Variants in GABRA4 observed in about 807,000 individuals in gnomAD.
The protein encoded by GABRA4 is gamma-aminobutyric acid type A receptor subunit alpha4.
In GABRA4, 12 loss-of-function variants were observed where a neutral mutation model predicts 49.7. That is an observed-to-expected ratio of 0.24 (90% CI 0.15 to 0.39). The LOEUF (loss-of-function observed/expected upper bound fraction) is 0.39. Among genes scored for constraint, GABRA4 ranks in the 10% least tolerant of loss-of-function variants. The pLI is 1.00. For missense variants in GABRA4, 506 were observed against 686.0 expected, an observed-to-expected ratio of 0.74 and a Z score of 2.93; for synonymous variants, 288 against 240.2, an observed-to-expected ratio of 1.20 and a Z score of -1.84.
rs913614069 is a variant in GABRA4, at chr4:46,924,718, G to A, written c.*3507C>T. 13 of 151,964 alleles carry A rather than the reference G, an allele frequency of 8.6e-5. No individual in the cohort carries two copies. Among genetic ancestry groups the A allele is most frequent in the African/African-American group, 3.1e-4 (13 of 41,432 alleles). The allele number at this position is 151,964 out of a possible 1,614,324, so 9.4% of individuals were successfully genotyped here. ...CAAGCAATGAACTTAAAGTAATCAA[G>A]CAGTAGAACTAAATTTTTGTCCATA... On this transcript the variant is annotated 3_prime_UTR_variant, in exon 9 of 9. Transcript: ENST00000264318.
Position 46,924,324 on chromosome 4 carries a change from A to T in GABRA4, c.*3901T>A, listed in dbSNP as rs183396596. On this transcript the variant is annotated 3_prime_UTR_variant, in exon 9 of 9. Coordinates refer to ENST00000264318, the MANE Select transcript of GABRA4 (RefSeq NM_000809.4). ...TAAATATTAGGTATCTTGATTATTG[A>T]AGTTTTGATGTCCCCATATATATTT... 2 of 152,048 alleles carry T rather than the reference A, an allele frequency of 1.3e-5. No individual in the cohort carries two copies. Among genetic ancestry groups the T allele is most frequent in the African/African-American group, 4.8e-5 (2 of 41,422 alleles). 9.4% of individuals were successfully genotyped at this position (152,048 alleles called of 1,614,324 possible).
At position 46,928,165 on chromosome 4, in the gene GABRA4, A is replaced by G. The variant is rs1207583748; in HGVS notation, c.*60T>C. 1.5e-6 allele frequency: 2 copies of G among 1,334,396 alleles called. No homozygotes were observed. The highest frequency in any genetic ancestry group is 2.4e-5 in the East Asian group (1 of 41,782). 82.7% of individuals were successfully genotyped at this position (1,334,396 alleles called of 1,614,324 possible). On this transcript the variant is annotated 3_prime_UTR_variant, in exon 9 of 9. Coordinates refer to ENST00000264318, the MANE Select transcript of GABRA4 (RefSeq NM_000809.4). ...AAAGAATATTTGTTTATATTTAAAA[A>G]CATTTAAAAAGACATTCTGCATTTT...
At chr4:46,989,165 G>A (rs1560485831) in intron 2 of GABRA4, among the ~76,000 whole-genome samples, 1 of 152,176 alleles carries the variant, frequency 6.6e-6, no homozygotes, top group Non-Finnish European at 1.5e-5. Context: ...ATTGAGATGC[G>A]TGAAAGGCTG....
rs748574364 is a variant in GABRA4, at chr4:46,928,614, G to A, written c.1276C>T (p.Arg426Trp). Reference protein sequence around the residue: ...VVQESSKGTPRSYLASSPNPF... With the variant: ...VVQESSKGTPWSYLASSPNPF... ...TTTGGACTGGAAGCTAAGTAAGACC[G>A]AGGTGTGCCTTTAGAAGATTCTTGA... The change falls in exon 9 of 9, where the codon CGG (arginine) becomes TGG (tryptophan). Residue 426 changes from arginine to tryptophan, a missense_variant. This residue lies in a region of GABRA4 where 243 missense variants were observed against 210.8 expected (regional missense o/e 1.15). Coordinates refer to ENST00000264318, the MANE Select transcript of GABRA4 (RefSeq NM_000809.4). 1.5e-5 allele frequency: 25 copies of A among 1,613,566 alleles called. 1 individual carries two copies. The highest frequency in any genetic ancestry group is 1.6e-4 in the Middle Eastern group (1 of 6,080).
chr4:46,991,172 C>A (rs11727160), intron 2 of GABRA4, among the ~76,000 whole-genome samples: 1 of 150,072 alleles, frequency 6.7e-6, no homozygotes, highest in Non-Finnish European at 1.5e-5. Context: ...AGTGACAGAG[C>A]GAGACTCCAT....
chr4:46,957,152 G>T (rs933405417), intron 8 of GABRA4, among the ~76,000 whole-genome samples: 1 of 151,822 alleles, frequency 6.6e-6, no homozygotes, highest in Admixed American at 6.6e-5. Context: ...AGCCTTTCCA[G>T]TAGATTATAT....
Position 46,979,890 on chromosome 4 carries a change from A to G in GABRA4, c.206-792T>C, listed in dbSNP as rs532861121. Among the ~76,000 whole-genome samples, 454 of 152,266 alleles carry G rather than the reference A, an allele frequency of 3.0e-3. 3 individuals are homozygous for G. Among genetic ancestry groups the G allele is most frequent in the Non-Finnish European group, 5.3e-3 (359 of 68,006 alleles). On this transcript the variant is annotated intron_variant, in intron 2 of 8. Coordinates refer to ENST00000264318, the MANE Select transcript of GABRA4 (RefSeq NM_000809.4). ...AAATAAGACTAGTTCGTAAAGAAGC[A>G]CACTGGTGTTTTGGCAGAAGAGAAA...
chr4:46,973,298 G>A (rs1723015575), intron 6 of GABRA4, among the ~76,000 whole-genome samples: 1 of 151,728 alleles, frequency 6.6e-6, no homozygotes, highest in African/African-American at 2.4e-5. Flanking sequence ...AACCATGATG[G>A]TGGAGCCTTT....
At chr4:46,985,315 T>G (rs113614952) in intron 2 of GABRA4, among the ~76,000 whole-genome samples, 3,726 of 152,100 alleles carry the variant, frequency 0.024, 58 homozygotes, top group Middle Eastern at 0.082. Context: ...GACAGGAAGA[T>G]AGGATGGAGG....
chr4:46,921,461 C>T lies in GABRA4; in HGVS notation c.*6764G>A, dbSNP rs1180776320. 1 of 151,982 alleles carries T rather than the reference C, an allele frequency of 6.6e-6. No homozygotes were observed. The highest frequency in any genetic ancestry group is 1.5e-5 in the Non-Finnish European group (1 of 67,942). The allele number at this position is 151,982 out of a possible 1,614,324, so 9.4% of individuals were successfully genotyped here. ...GAAACTAAAGAAGCTTGCAGAAATA[C>T]TACCAAGGAAAATGTAAAAAGAATT... On this transcript the variant is annotated 3_prime_UTR_variant, in exon 9 of 9. Coordinates refer to ENST00000264318, the MANE Select transcript of GABRA4 (RefSeq NM_000809.4).
chr4:46,944,876 G>C (rs536676482), intron 8 of GABRA4, among the ~76,000 whole-genome samples: 2 of 151,910 alleles, frequency 1.3e-5, no homozygotes, highest in African/African-American at 4.8e-5. Context: ...TTCTTTAAGG[G>C]CCTCAACAGT....
chr4:46,953,256 GC>G (rs1722233668), intron 8 of GABRA4, among the ~76,000 whole-genome samples: 1 of 151,930 alleles, frequency 6.6e-6, no homozygotes, highest in African/African-American at 2.4e-5. Context: ...TCTGAGTTCT[GC>G]CAGCATCCCT....
intron 3 of GABRA4, among the ~76,000 whole-genome samples, chr4:46,978,687 C>CAAAA (rs71193889): frequency 1.8e-4 from 4 of 21,662 alleles, no homozygotes; most frequent in Admixed American, 6.7e-4. Context: ...AACTTCATCT[C>CAAAA]AAAAAAAAAA....
chr4:46,983,390 C>T (rs6826245), intron 2 of GABRA4, among the ~76,000 whole-genome samples: 4 of 152,034 alleles, frequency 2.6e-5, no homozygotes, highest in African/African-American at 9.7e-5. Flanking sequence ...AAGGCAAAAT[C>T]TTAATCCTTT....
chr4:46,989,539 C>T (rs962461282), intron 2 of GABRA4, among the ~76,000 whole-genome samples: 7 of 152,184 alleles, frequency 4.6e-5, no homozygotes, highest in Non-Finnish European at 1.0e-4. Flanking sequence ...AGAGGAGATC[C>T]TGGAGGGATG....
At position 46,971,371 on chromosome 4, in the gene GABRA4, A is replaced by C; in HGVS notation, c.722-136T>G. 3 of 737,406 alleles carry C rather than the reference A, an allele frequency of 4.1e-6. No individual in the cohort carries two copies. The South Asian group carries it at 5.0e-5, about 12-fold the overall frequency. 45.7% of individuals were successfully genotyped at this position (737,406 alleles called of 1,614,324 possible). On this transcript the variant is annotated intron_variant, in intron 6 of 8. Coordinates refer to ENST00000264318, the MANE Select transcript of GABRA4 (RefSeq NM_000809.4). The stretch of plus-strand genomic sequence containing the variant: ...TTTTGTGCATAGCTACACAAACATC[A>C]ATAAGTATGTAGTTTCCTAACGAGG...
chr4:46,965,341 T>C, intron 7 of GABRA4, 112 bp from the exon 8 acceptor site: 1 of 836,862 alleles, frequency 1.2e-6, no homozygotes, highest in Non-Finnish European at 1.7e-6. Context: ...TTAACAAAAC[T>C]ACAATAACTC....
intron 6 of GABRA4, among the ~76,000 whole-genome samples, chr4:46,971,700 A>G (rs1372143803): frequency 2.0e-5 from 3 of 150,774 alleles, no homozygotes; most frequent in East Asian, 2.0e-4. Flanking sequence ...AGTAATAAAT[A>G]TACATATTTA....
intron 2 of GABRA4, among the ~76,000 whole-genome samples, chr4:46,987,463 T>G (rs2109406887): frequency 6.6e-6 from 1 of 152,222 alleles, no homozygotes; most frequent in South Asian, 2.1e-4. Flanking sequence ...CTGTTACTTA[T>G]TTTCTATCTC....
Sources: gnomAD v4.1 joint callset for allele counts (sites outside exome capture counted in the v4.1 genomes callset) on GRCh38, gnomAD v4.1.1 for gene constraint, gnomAD v4.1.1 regional missense constraint, MANE v1.5 for transcripts, NCBI Gene and HGNC (gene_info 2026-07-23, HGNC 2026-07-21) for gene names.